Variants in MEGF6 observed in about 807,000 individuals in gnomAD.
MEGF6 encodes multiple EGF like domains 6.
A neutral mutation model predicts 207.1 loss-of-function variants in MEGF6; 184 were observed. That is an observed-to-expected ratio of 0.89 (90% CI 0.79 to 1.00). The LOEUF (loss-of-function observed/expected upper bound fraction) is 1.00. Ranked by LOEUF, MEGF6 falls within the 50% of genes least tolerant of loss-of-function variation. The pLI, the probability that MEGF6 is intolerant of heterozygous loss-of-function variation, is 0.00. For missense variants in MEGF6, 2,282 were observed against 2,202.9 expected, an observed-to-expected ratio of 1.04 and a Z score of -0.72; for synonymous variants, 1,038 against 910.0, an observed-to-expected ratio of 1.14 and a Z score of -2.53.
Position 3,505,528 on chromosome 1 carries a change from G to C in MEGF6, c.1947C>G (p.Gly649=). 1 of 1,596,052 alleles carries C rather than the reference G, an allele frequency of 6.3e-7. No individual in the cohort carries two copies. Among genetic ancestry groups the C allele is most frequent in the Non-Finnish European group, 8.5e-7 (1 of 1,173,396 alleles). The change falls in exon 16 of 37, where the codon GGC becomes GGG. Residue 649 remains glycine (G), a synonymous_variant. Transcript: ENST00000356575. ...LTCPPWAFGP[G]CSEECQCVQP... ...GCACACACTGGCACTCCTCCGAGCA[G>C]CCCGGCCCAAAGGCCCACGGCGGGC...
chr1:3,549,034 G>T (rs1642803078), intron 4 of MEGF6, among the ~76,000 whole-genome samples: 1 of 152,138 alleles, frequency 6.6e-6, no homozygotes, highest in African/African-American at 2.4e-5. Context: ...ATGCTGGCTG[G>T]GACCCCGCCT....
At chr1:3,531,224 C>T (rs1304182397) in intron 4 of MEGF6, 6 of 1,485,242 alleles carry the variant, frequency 4.0e-6, no homozygotes, top group Non-Finnish European at 4.5e-6. Flanking sequence ...GCGGCCAGCC[C>T]GCGGTCCCGG....
At chr1:3,527,867 C>T (rs1276692480) in intron 4 of MEGF6, among the ~76,000 whole-genome samples, 1 of 152,208 alleles carries the variant, frequency 6.6e-6, no homozygotes, top group Non-Finnish European at 1.5e-5. Context: ...TCCAGCATCC[C>T]AGCCGGGTTC....
chr1:3,552,796 G>A (rs141695395), intron 4 of MEGF6, among the ~76,000 whole-genome samples: 35 of 152,262 alleles, frequency 2.3e-4, no homozygotes, highest in Admixed American at 2.0e-3. Context: ...CTCACCCACC[G>A]GGCCCAGACC....
intron 26 of MEGF6, 21 bp from the exon 27 acceptor site, chr1:3,497,382 C>A: frequency 3.3e-6 from 5 of 1,516,500 alleles, no homozygotes; most frequent in South Asian, 2.5e-5. Flanking sequence ...ATGAGGGCTG[C>A]GGAGGCTTCT....
chr1:3,622,784 T>C, the MEGF6 span, among the ~76,000 whole-genome samples: 1 of 152,266 alleles, frequency 6.6e-6, no homozygotes, highest in Non-Finnish European at 1.5e-5. Context: ...CACGTTTCTG[T>C]TGTTTTTAAA....
chr1:3,597,414 C>T (rs1427166611), intron 2 of MEGF6, among the ~76,000 whole-genome samples: 1 of 152,210 alleles, frequency 6.6e-6, no homozygotes, highest in Admixed American at 6.5e-5. Context: ...GCCACCTGTG[C>T]CACCTGCCCA....
At chr1:3,494,531 G>A (rs1475173416) in intron 31 of MEGF6, 32 bp from the exon 32 acceptor site, 1 of 1,576,170 alleles carries the variant, frequency 6.3e-7, no homozygotes. Flanking sequence ...CAGTCCTTCG[G>A]CACCAGCCTT....
intron 4 of MEGF6, among the ~76,000 whole-genome samples, chr1:3,578,541 G>C (rs1009756276): frequency 4.6e-5 from 7 of 152,160 alleles, no homozygotes; most frequent in East Asian, 1.9e-4. Context: ...GGCCCTGGGG[G>C]GGGGGGGCCC....
In MEGF6 at chr1:3,579,892, A is replaced by G. The variant is rs752368237; in HGVS notation, c.414T>C (p.Arg138=). 2 of 1,535,338 alleles carry G rather than the reference A, an allele frequency of 1.3e-6. No individual in the cohort carries two copies. Among genetic ancestry groups the G allele is most frequent in the Non-Finnish European group, 1.7e-6 (2 of 1,149,740 alleles). The change falls in exon 4 of 37, where the codon CGT becomes CGC. Residue 138 remains arginine (R), a synonymous_variant. Transcript: ENST00000356575. ...ACGGCTGGGCTGAGCCTGGCACACA[A>G]CGGCCACCGTGAAAACAGAGGCTGG... is the stretch of plus-strand genomic sequence containing the variant. ...CSASLCFHGG[R]CVPGSAQPCH... is the part of the protein sequence containing the mutation.
At chr1:3,490,630 G>T (rs541175107) in intron 36 of MEGF6, 41 bp from the exon 37 acceptor site, 2 of 1,602,662 alleles carry the variant, frequency 1.2e-6, no homozygotes, top group Middle Eastern at 2.0e-4. Context: ...AGGGTGGGGC[G>T]GGTGCTCCCA....
At chr1:3,620,361 G>A in the MEGF6 span, among the ~76,000 whole-genome samples, 16 of 152,316 alleles carry the variant, frequency 1.1e-4, no homozygotes, top group South Asian at 2.1e-4. Context: ...AGAGCTTCAC[G>A]GCAGACCCTC....
At chr1:3,578,539 G>A (rs796374476) in intron 4 of MEGF6, among the ~76,000 whole-genome samples, 17 of 143,152 alleles carry the variant, frequency 1.2e-4, no homozygotes, top group South Asian at 8.4e-4. Flanking sequence ...GGGGCCCTGG[G>A]GGGGGGGGGC....
At chr1:3,498,557 C>T in intron 25 of MEGF6, 58 bp from the exon 26 acceptor site, 2 of 1,506,182 alleles carry the variant, frequency 1.3e-6, no homozygotes, top group African/African-American at 1.4e-5. Context: ...CCCAGGAGAC[C>T]CTGACCCATG....
At chr1:3,553,835 G>A (rs562555507) in intron 4 of MEGF6, among the ~76,000 whole-genome samples, 4 of 152,266 alleles carry the variant, frequency 2.6e-5, no homozygotes, top group South Asian at 2.1e-4. Context: ...CTCTCACCCC[G>A]CTGTGCCTCA....
Position 3,514,569 on chromosome 1 carries a change from C to G in MEGF6, c.834G>C (p.Ala278=), listed in dbSNP as rs375503121. The change falls in exon 7 of 37, where the codon GCG becomes GCC. Residue 278 remains alanine (A), a synonymous_variant. Transcript: ENST00000356575. ...TCCTACCTTCACAGGCCTTGCCGTC[C>G]GCTGCTAGCTGATAGCCCACGTGGC... The part of the protein sequence containing the change: ...CECHVGYQLA[A]DGKACEDVDE... The G allele has an allele frequency of 1.3e-6, 2 of 1,590,866 alleles. No homozygotes were observed. Among genetic ancestry groups the G allele is most frequent in the East Asian group, 4.5e-5 (2 of 44,022 alleles).
At chr1:3,571,293 T>C (rs970248280) in intron 4 of MEGF6, among the ~76,000 whole-genome samples, 5 of 152,050 alleles carry the variant, frequency 3.3e-5, no homozygotes, top group Admixed American at 2.0e-4. Flanking sequence ...TGTCCGGTGC[T>C]TGTAGGACAC....
chr1:3,550,173 C>T (rs1017776321), intron 4 of MEGF6, among the ~76,000 whole-genome samples: 3 of 152,206 alleles, frequency 2.0e-5, no homozygotes, highest in Non-Finnish European at 2.9e-5. Context: ...AGTCCCACCC[C>T]TAAGCACCTG....
In MEGF6 at chr1:3,611,440, A is replaced by G. The variant is rs1557436361; in HGVS notation, c.-172T>C. 1.2e-5 allele frequency: 11 copies of G among 938,298 alleles called. 1 individual carries two copies. The South Asian group carries it at 2.9e-4, about 24-fold the overall frequency. The allele number at this position is 938,298 out of a possible 1,614,324, so 58.1% of individuals were successfully genotyped here. The stretch of plus-strand genomic sequence containing the variant: ...GTCCCGGCTTCCCGCCCGCGCCCAA[A>G]GTGGCACCGCGGAGACCTGATCGCC... On this transcript the variant is annotated 5_prime_UTR_variant, in exon 1 of 37. Transcript: ENST00000356575.
Sources: gnomAD v4.1 joint callset for allele counts (sites outside exome capture counted in the v4.1 genomes callset) on GRCh38, gnomAD v4.1.1 for gene constraint, MANE v1.5 for transcripts, NCBI Gene and HGNC (gene_info 2026-07-23, HGNC 2026-07-21) for gene names.